The following FSTL5 variants were observed in gnomAD, a reference collection of about 807,000 sequenced individuals.
FSTL5 encodes the protein follistatin-related protein 5.
FSTL5 carries 62 observed loss-of-function variants against 89.1 expected under a neutral mutation model. The observed-to-expected ratio is 0.70, with a 90% CI of 0.57 to 0.86. The LOEUF (loss-of-function observed/expected upper bound fraction) is 0.86. FSTL5 is among the 40% of genes least tolerant of loss of function. FSTL5 has a pLI of 0.00. For synonymous variants in FSTL5, 383 were observed against 346.2 expected (o/e 1.11, Z -1.18); for missense variants, 1,057 against 1,001.6 (o/e 1.06, Z -0.75).
chr4:161,523,929 A>C (rs1731118624), intron 10 of FSTL5, among the ~76,000 whole-genome samples: 1 of 152,200 alleles, frequency 6.6e-6, no homozygotes, highest in African/African-American at 2.4e-5. Flanking sequence ...AACCAAAAAT[A>C]AAATTCTAAG....
intron 2 of FSTL5, among the ~76,000 whole-genome samples, chr4:162,092,117 T>C (rs947129685): frequency 5.3e-5 from 8 of 152,100 alleles, no homozygotes; most frequent in Non-Finnish European, 1.0e-4. Flanking sequence ...GGTTGTCTAT[T>C]CTGACAGCTC....
chr4:161,993,354 A>G (rs1736193243), intron 3 of FSTL5, among the ~76,000 whole-genome samples: 2 of 152,136 alleles, frequency 1.3e-5, no homozygotes, highest in African/African-American at 2.4e-5. Flanking sequence ...TGCAATATTT[A>G]TGAGAAATAT....
In FSTL5 at chr4:161,776,006, AT is replaced by A. The variant is rs1560838449; in HGVS notation, c.477del (p.Lys159AsnfsTer37). 6.3e-7 allele frequency: 1 copy of A among 1,596,650 alleles called. No homozygotes were observed. The highest frequency in any genetic ancestry group is 1.1e-5 in the South Asian group (1 of 89,406). On this transcript the variant is annotated frameshift_variant, in exon 5 of 16. Transcript: ENST00000306100. LOFTEE classifies it high-confidence loss of function. ...KNMLLDLQNQKYIMQENENPN... is the reference protein window; with the variant it reads ...KNMLLDLQNQXYIMQENENPN... ...GGATTTTCATTTTCTTGCATAATAT[AT>A]TTTTGATTTTGTAAATCTAATAGCA...
At chr4:161,521,559 AAACTGGT>A (rs1005550755) in intron 10 of FSTL5, among the ~76,000 whole-genome samples, 2 of 152,062 alleles carry the variant, frequency 1.3e-5, no homozygotes, top group African/African-American at 4.8e-5. Flanking sequence ...GGTTAAAGAA[AAACTGGT>A]GGCCGGGCGC....
chr4:162,103,902 G>A (rs552761284), intron 2 of FSTL5, among the ~76,000 whole-genome samples: 24 of 152,280 alleles, frequency 1.6e-4, no homozygotes, highest in East Asian at 3.9e-4. Flanking sequence ...AGAGCACAGC[G>A]GGAGAGACAA....
chr4:161,700,802 T>C (rs1452803596), intron 6 of FSTL5, among the ~76,000 whole-genome samples: 3 of 152,228 alleles, frequency 2.0e-5, no homozygotes, highest in African/African-American at 7.2e-5. Flanking sequence ...AATTGGTACA[T>C]TTATATGTCT....
chr4:161,900,575 G>T (rs375076822), intron 4 of FSTL5, among the ~76,000 whole-genome samples: 97 of 146,298 alleles, frequency 6.6e-4, no homozygotes, highest in African/African-American at 2.4e-3. Flanking sequence ...GGAGGCGGAG[G>T]TTGCAGTAAG....
At chr4:162,154,358 G>A (rs892575093) in intron 1 of FSTL5, among the ~76,000 whole-genome samples, 1 of 152,050 alleles carries the variant, frequency 6.6e-6, no homozygotes, top group African/African-American at 2.4e-5. Flanking sequence ...TAAATCTTTT[G>A]TTGAAGATCT....
intron 3 of FSTL5, among the ~76,000 whole-genome samples, chr4:162,013,486 C>A (rs961417493): frequency 6.6e-6 from 1 of 152,090 alleles, no homozygotes; most frequent in African/African-American, 2.4e-5. Context: ...TTTATAGATG[C>A]CCCTGGGAAG....
At chr4:162,082,412 C>G (rs1243364935) in intron 2 of FSTL5, among the ~76,000 whole-genome samples, 1 of 151,552 alleles carries the variant, frequency 6.6e-6, no homozygotes, top group East Asian at 1.9e-4. Context: ...GGTAATTTAA[C>G]AAAAGAGTTT....
At chr4:161,688,265 T>C (rs916697591) in intron 6 of FSTL5, among the ~76,000 whole-genome samples, 1 of 152,142 alleles carries the variant, frequency 6.6e-6, no homozygotes, top group South Asian at 2.1e-4. Context: ...TTAATTTTTA[T>C]AGAGATGGAA....
intron 7 of FSTL5, among the ~76,000 whole-genome samples, chr4:161,650,759 G>A (rs949442705): frequency 1.3e-5 from 2 of 152,094 alleles, no homozygotes; most frequent in Non-Finnish European, 2.9e-5. Flanking sequence ...TTGAAATCTA[G>A]TTTAATATGA....
intron 4 of FSTL5, among the ~76,000 whole-genome samples, chr4:161,853,421 C>G (rs1483700102): frequency 2.6e-5 from 4 of 152,128 alleles, no homozygotes; most frequent in Admixed American, 2.6e-4. Flanking sequence ...GCACCTGCCA[C>G]TACACCCAGC....
chr4:161,935,365 C>A (rs1482363902), intron 3 of FSTL5, among the ~76,000 whole-genome samples: 2 of 152,108 alleles, frequency 1.3e-5, no homozygotes, highest in African/African-American at 2.4e-5. Context: ...CTTTCCTCAA[C>A]AATGGGTGCT....
Position 161,479,780 on chromosome 4 carries a change from G to T in FSTL5, c.1608+1240C>A, listed in dbSNP as rs144236650. On this transcript the variant is annotated intron_variant, in intron 13 of 15. Transcript: ENST00000306100. ...ACTGCTCATTCTCATATTAGAAATT[G>T]AAACATTAGGCCAGTTATTCACTGT... Among the ~76,000 whole-genome samples, 480 of 152,210 alleles carry T rather than the reference G, an allele frequency of 3.2e-3. 3 individuals carry two copies. The highest frequency in any genetic ancestry group is 0.011 in the African/African-American group (448 of 41,532).
At chr4:161,655,566 A>T (rs1054798443) in intron 7 of FSTL5, among the ~76,000 whole-genome samples, 2 of 152,178 alleles carry the variant, frequency 1.3e-5, no homozygotes, top group African/African-American at 4.8e-5. Flanking sequence ...TTAGTTTTTA[A>T]AATCCTTTCT....
intron 1 of FSTL5, among the ~76,000 whole-genome samples, chr4:162,131,168 A>C (rs1163098871): frequency 6.6e-6 from 1 of 152,168 alleles, no homozygotes; most frequent in African/African-American, 2.4e-5. Context: ...ATTTAAAGCA[A>C]AAATACTTTA....
chr4:161,987,404 C>T (rs1040686736), intron 3 of FSTL5, among the ~76,000 whole-genome samples: 7 of 149,836 alleles, frequency 4.7e-5, no homozygotes, highest in Non-Finnish European at 8.9e-5. Flanking sequence ...GGAGAAAAAA[C>T]TCTTCAACTA....
At position 161,950,614 on chromosome 4, in the gene FSTL5, C is replaced by A. The variant is rs180740661; in HGVS notation, c.161-29962G>T. Among the ~76,000 whole-genome samples, 15 of 152,256 alleles carry A rather than the reference C, an allele frequency of 9.9e-5. 1 individual carries two copies. Among genetic ancestry groups the A allele is most frequent in the Middle Eastern group, 6.8e-3 (2 of 294 alleles). ...TCAGGAAGTTTACCTCGCATGAGTT[C>A]TGCTCTCTCTTCAGTGTTCTGAAAC... On this transcript the variant is annotated intron_variant, in intron 3 of 15. Transcript: ENST00000306100.
Sources: gnomAD v4.1 joint callset for allele counts (sites outside exome capture counted in the v4.1 genomes callset) on GRCh38, gnomAD v4.1.1 for gene constraint, MANE v1.5 for transcripts, NCBI Gene and HGNC (gene_info 2026-07-23, HGNC 2026-07-21) for gene names.